The following CADPS variants were observed in gnomAD, a reference collection of about 807,000 sequenced individuals.
CADPS encodes calcium-dependent secretion activator 1.
A neutral mutation model predicts 167.3 loss-of-function variants in CADPS; 57 were observed. That is an observed-to-expected ratio of 0.34 (90% CI 0.28 to 0.42). The LOEUF (loss-of-function observed/expected upper bound fraction) is 0.42, where lower values mean the gene tolerates loss of function less well. CADPS is among the 20% of genes least tolerant of loss of function. The pLI is 1.00. For missense variants in CADPS, 1,414 were observed against 1,738.1 expected (o/e 0.81, Z 3.32); for synonymous variants, 676 against 635.3 (o/e 1.06, Z -0.96).
intron 12 of CADPS, among the ~76,000 whole-genome samples, chr3:62,535,522 T>C (rs952999532): frequency 6.6e-6 from 1 of 151,966 alleles, no homozygotes. Flanking sequence ...CTACTTATTA[T>C]ATAGTATAAA....
chr3:62,851,711 T>G (rs1485000995), intron 1 of CADPS, among the ~76,000 whole-genome samples: 7 of 147,608 alleles, frequency 4.7e-5, no homozygotes, highest in African/African-American at 1.3e-4. Flanking sequence ...CTTAACATTT[T>G]TTCCTTCATT....
chr3:62,701,103 C>T (rs1358247058), intron 3 of CADPS, among the ~76,000 whole-genome samples: 3 of 152,182 alleles, frequency 2.0e-5, no homozygotes, highest in Admixed American at 6.5e-5. Flanking sequence ...CCCAAAGGCC[C>T]CACCTCATAA....
chr3:62,570,764 T>C (rs2081142765), intron 9 of CADPS, 108 bp downstream of exon 9: 1 of 778,400 alleles, frequency 1.3e-6, no homozygotes, highest in South Asian at 1.6e-5. Context: ...TTCATTAAGC[T>C]AAATGCATGA....
chr3:62,425,243 T>G (rs1043960384), intron 28 of CADPS, among the ~76,000 whole-genome samples: 3 of 152,210 alleles, frequency 2.0e-5, no homozygotes, highest in African/African-American at 7.2e-5. Context: ...CTATTGACAT[T>G]TTTGCAGATA....
chr3:62,696,759 G>A (rs2080365021), intron 3 of CADPS, among the ~76,000 whole-genome samples: 1 of 151,902 alleles, frequency 6.6e-6, no homozygotes, highest in South Asian at 2.1e-4. Context: ...TTTCTTGACT[G>A]GCCCTTACTG....
chr3:62,418,903 T>G (rs2050746775), intron 28 of CADPS, among the ~76,000 whole-genome samples: 1 of 152,006 alleles, frequency 6.6e-6, no homozygotes, highest in Non-Finnish European at 1.5e-5. Context: ...TCTAAGAAAT[T>G]AAATAAAAAT....
intron 3 of CADPS, among the ~76,000 whole-genome samples, chr3:62,708,957 T>C (rs76241781): frequency 0.084 from 12,799 of 152,046 alleles, 665 homozygotes; most frequent in South Asian, 0.16. Flanking sequence ...GGCTCCACCC[T>C]GGGAGGAGGC....
At chr3:62,795,248 T>TGA (rs2093321115) in intron 1 of CADPS, among the ~76,000 whole-genome samples, 2 of 152,042 alleles carry the variant, frequency 1.3e-5, no homozygotes, top group Non-Finnish European at 2.9e-5. Context: ...ATTTTTGAAA[T>TGA]CACCATCTCT....
intron 3 of CADPS, among the ~76,000 whole-genome samples, chr3:62,710,227 T>G (rs2083131631): frequency 1.3e-5 from 2 of 151,994 alleles, no homozygotes; most frequent in South Asian, 4.2e-4. Context: ...TTCCATCTCA[T>G]GAAGCGTCTA....
intron 3 of CADPS, among the ~76,000 whole-genome samples, chr3:62,692,294 ATTC>A (rs4019274): frequency 0.71 from 107,860 of 151,704 alleles, 38,730 homozygotes; most frequent in East Asian, 0.95. Flanking sequence ...TTCCAAGGTA[ATTC>A]TTCTGCTCAA....
rs561803201 is a variant in CADPS at position 62,575,503 on chromosome 3, T to A, written c.1578-4565A>T. Among the ~76,000 whole-genome samples the A allele has an allele frequency of 9.2e-5, 14 of 152,338 alleles. No homozygotes were observed. The South Asian group carries it at 2.9e-3, about 32-fold the overall frequency. On this transcript the variant is annotated intron_variant, in intron 8 of 29. Transcript: ENST00000383710. ...GGTTGTGAGGATTAAAGTAGAAATA[T>A]AAAGTGCTTAGAACAATAGCTAGCT...
At chr3:62,784,647 A>G (rs1252890994) in intron 1 of CADPS, among the ~76,000 whole-genome samples, 1 of 152,168 alleles carries the variant, frequency 6.6e-6, no homozygotes, top group South Asian at 2.1e-4. Context: ...TTTATGGGGA[A>G]TGGAGAGAAC....
In CADPS at chr3:62,532,951, C is replaced by T. The variant is rs915206249; in HGVS notation, c.2211G>A (p.Arg737=). 6.2e-7 allele frequency: 1 copy of T among 1,613,690 alleles called. No homozygotes were observed. The highest frequency in any genetic ancestry group is 1.3e-5 in the African/African-American group (1 of 74,860). ...GGTCGATCATGGCGCCATTTTCTGC[C>T]CGTTCAAGCAAGTCTCTGAGGTAGC... ...HLCYLRDLLE[R]AENGAMIDPT... is the part of the protein sequence containing the mutation. The change falls in exon 13 of 30, where the codon CGG becomes CGA. Residue 737 remains arginine, a synonymous_variant. Transcript: ENST00000383710.
At chr3:62,534,419 G>A (rs1370248658) in intron 12 of CADPS, among the ~76,000 whole-genome samples, 5 of 152,120 alleles carry the variant, frequency 3.3e-5, no homozygotes, top group African/African-American at 7.2e-5. Flanking sequence ...AACGAAAGAC[G>A]GCATCTTTCC....
chr3:62,760,487 C>G (rs1000541407), intron 2 of CADPS, among the ~76,000 whole-genome samples: 3 of 152,036 alleles, frequency 2.0e-5, no homozygotes, highest in Non-Finnish European at 4.4e-5. Flanking sequence ...ACCTCTGGCC[C>G]CAAGAGGCTG....
chr3:62,861,572 G>A (rs1213232384), intron 1 of CADPS, among the ~76,000 whole-genome samples: 1 of 152,154 alleles, frequency 6.6e-6, no homozygotes, highest in African/African-American at 2.4e-5. Flanking sequence ...CCTAATTCAT[G>A]ACCTTTTCTC....
chr3:62,842,219 T>C (rs2076745118), intron 1 of CADPS, among the ~76,000 whole-genome samples: 1 of 152,206 alleles, frequency 6.6e-6, no homozygotes, highest in African/African-American at 2.4e-5. Flanking sequence ...GCTTTACGTA[T>C]ATTATCTCAT....
intron 1 of CADPS, among the ~76,000 whole-genome samples, chr3:62,811,968 G>A (rs1206250058): frequency 2.0e-5 from 3 of 151,976 alleles, no homozygotes; most frequent in Non-Finnish European, 2.9e-5. Context: ...TTTTATCTAT[G>A]TATATTTCCT....
intron 3 of CADPS, among the ~76,000 whole-genome samples, chr3:62,720,336 TG>T (rs1330894062): frequency 9.2e-5 from 13 of 140,958 alleles, no homozygotes; most frequent in Admixed American, 2.1e-4. Flanking sequence ...TTTGTTTGTT[TG>T]TTTGTTTTTT....
Sources: gnomAD v4.1 joint callset for allele counts (sites outside exome capture counted in the v4.1 genomes callset) on GRCh38, gnomAD v4.1.1 for gene constraint, MANE v1.5 for transcripts, NCBI Gene and HGNC (gene_info 2026-07-23, HGNC 2026-07-21) for gene names.